The following FRMPD4 variants were observed in gnomAD, a reference collection of about 807,000 sequenced individuals.
FRMPD4 encodes FERM and PDZ domain containing 4, also known as FERM and PDZ domain-containing protein 4.
FRMPD4 carries 22 observed loss-of-function variants against 94.1 expected under a neutral mutation model. The ratio of observed to expected loss-of-function variants is 0.23; its 90% CI spans 0.17 to 0.33. The LOEUF is 0.33. Ranked by LOEUF, FRMPD4 falls within the 10% of genes least tolerant of loss-of-function variation. The pLI, the probability that FRMPD4 is intolerant of heterozygous loss-of-function variation, is 1.00. For synonymous variants in FRMPD4, 631 were observed against 548.6 expected (o/e 1.15, Z -2.10); for missense variants, 1,111 against 1,339.9 (o/e 0.83, Z 2.67).
chrX:12,433,125 A>T (rs2057027200), intron 1 of FRMPD4, among the ~76,000 whole-genome samples: 1 of 112,479 alleles, frequency 8.9e-6, no homozygotes, highest in Non-Finnish European at 1.9e-5. Context: ...TGAGCATTCT[A>T]TCTAAGCTTT....
At chrX:12,615,974 G>C (rs1012240229) in intron 4 of FRMPD4, among the ~76,000 whole-genome samples, 1 of 110,994 alleles carries the variant, frequency 9.0e-6, no homozygotes, top group African/African-American at 3.3e-5. Context: ...AGCACTCTTG[G>C]AAGAACTGGG....
chrX:12,450,779 TG>T, intron 1 of FRMPD4, among the ~76,000 whole-genome samples: 1 of 105,125 alleles, frequency 9.5e-6, no homozygotes, highest in East Asian at 3.0e-4. Flanking sequence ...GAATGTTTGA[TG>T]GGGACCTTCT....
Position 12,146,301 on chromosome X carries a change from T to A in FRMPD4, c.41+7289T>A, listed in dbSNP as rs6639151. Among the ~76,000 whole-genome samples the A allele has an allele frequency of 2.7e-5, 3 of 109,975 alleles. No homozygotes were observed. In the Admixed American group the frequency reaches 2.9e-4, roughly 11 times the overall value. On this transcript the variant is annotated intron_variant, in intron 1 of 16. Transcript: ENST00000675598. ...ATAGCTTGAATCTGGGAGGCGAAGC[T>A]TGCAGTGAGCTGAGATTGCGCCACT...
At chrX:12,397,549 ACTTT>A (rs899397703) in intron 1 of FRMPD4, among the ~76,000 whole-genome samples, 4 of 112,072 alleles carry the variant, frequency 3.6e-5, no homozygotes, top group African/African-American at 1.3e-4. Context: ...TGTGAAAAAC[ACTTT>A]GTCTCAGAAT....
At chrX:12,492,743 T>C (rs972370550) in intron 1 of FRMPD4, among the ~76,000 whole-genome samples, 13 of 111,914 alleles carry the variant, frequency 1.2e-4, no homozygotes, top group Non-Finnish European at 2.3e-4. Flanking sequence ...AGGCTATTAA[T>C]GTAGCTTTCC....
intron 1 of FRMPD4, among the ~76,000 whole-genome samples, chrX:12,456,404 G>A (rs893757690): frequency 1.8e-4 from 20 of 111,553 alleles, no homozygotes; most frequent in African/African-American, 5.5e-4. Context: ...TGGCCATGCC[G>A]GGAATATTTA....
chrX:12,124,943 A>C (rs7059627), intron 3 of FRMPD4, among the ~76,000 whole-genome samples: 3,671 of 111,891 alleles, frequency 0.033, 136 homozygotes, highest in African/African-American at 0.11. Context: ...CTGCTCATTT[A>C]ATGTCTTCTT....
intron 1 of FRMPD4, among the ~76,000 whole-genome samples, chrX:11,854,645 C>A (rs1165421704): frequency 8.9e-6 from 1 of 112,522 alleles, no homozygotes; most frequent in Non-Finnish European, 1.9e-5. Flanking sequence ...AGTCATTAAA[C>A]CTTAAAGTTC....
chrX:12,241,481 T>C (rs966179351), intron 1 of FRMPD4, among the ~76,000 whole-genome samples: 1 of 112,515 alleles, frequency 8.9e-6, no homozygotes, highest in Non-Finnish European at 1.9e-5. Context: ...AACTTTCATG[T>C]AGAGTTATTA....
In FRMPD4 at chrX:12,499,081, C is replaced by A. The variant is rs2057887946; in HGVS notation, c.158+285C>A. On this transcript the variant is annotated intron_variant, in intron 2 of 16. Coordinates refer to ENST00000675598, the MANE Select transcript of FRMPD4 (RefSeq NM_001368397.1). ...GTAGCATGGTAAGCCTGGCTCAGAG[C>A]AAAAGTTTCCACCGTTAAATATTAG... Among the ~76,000 whole-genome samples, 4 of 111,090 alleles carry A rather than the reference C, an allele frequency of 3.6e-5. No homozygotes were observed. The South Asian group carries it at 1.5e-3, about 42-fold the overall frequency.
intron 3 of FRMPD4, among the ~76,000 whole-genome samples, chrX:12,004,227 C>T (rs1369978654): frequency 8.9e-6 from 1 of 112,090 alleles, no homozygotes; most frequent in Non-Finnish European, 1.9e-5. Context: ...CTGCCTGAGG[C>T]CAAGGTCTGC....
At chrX:12,096,651 G>A (rs1370787305) in intron 3 of FRMPD4, among the ~76,000 whole-genome samples, 4 of 111,684 alleles carry the variant, frequency 3.6e-5, no homozygotes, top group African/African-American at 9.8e-5. Flanking sequence ...TTAGGAGGCT[G>A]GGGCAGTAGG....
At chrX:12,231,871 A>G (rs184259070) in intron 1 of FRMPD4, among the ~76,000 whole-genome samples, 75 of 111,869 alleles carry the variant, frequency 6.7e-4, no homozygotes, top group African/African-American at 2.3e-3. Flanking sequence ...ACTGGGGTGA[A>G]TGTCTTTATA....
chrX:12,056,786 T>C (rs1169205505), intron 3 of FRMPD4, among the ~76,000 whole-genome samples: 1 of 112,023 alleles, frequency 8.9e-6, no homozygotes. Flanking sequence ...ATATAACATT[T>C]CATGATACGA....
chrX:12,721,059 G>C lies in FRMPD4; in HGVS notation c.4490G>C (p.Arg1497Thr), dbSNP rs1297672280. 2.7e-6 allele frequency: 2 copies of C among 754,564 alleles called. No homozygotes were observed. The highest frequency in any genetic ancestry group is 3.1e-6 in the Non-Finnish European group (2 of 638,851). 62.2% of individuals were successfully genotyped at this position (754,564 alleles called of 1,213,427 possible). A position where few individuals can be genotyped will look rare whatever the true frequency, so the allele number is the denominator to read the frequency against. The change falls in exon 17 of 17, where the codon AGA becomes ACA. Residue 1497 changes from arginine (R) to threonine (T), a missense_variant. Physicochemically the swap from Arg to Thr is moderately conservative, Grantham distance 71. Around this residue, in one of 8 missense-constraint regions of FRMPD4, gnomAD observed 551 missense variants for 591.6 expected, o/e 0.93. Coordinates refer to ENST00000675598, the MANE Select transcript of FRMPD4 (RefSeq NM_001368397.1). ...CGGAAGCTGGAGGGCAGCAATTGGA[G>C]ATGCCGGGGACCCTTCAGCTATTGC... ...PLRKLEGSNW[R>T]CRGPFSYCFL... is the part of the protein sequence containing the mutation.
At chrX:12,482,482 C>T (rs1049201298) in intron 1 of FRMPD4, among the ~76,000 whole-genome samples, 3 of 111,065 alleles carry the variant, frequency 2.7e-5, no homozygotes, top group African/African-American at 9.8e-5. Flanking sequence ...GGATGTGATC[C>T]CTAGTTAAGT....
chrX:12,034,252 G>A (rs989379405), intron 3 of FRMPD4, among the ~76,000 whole-genome samples: 1 of 112,279 alleles, frequency 8.9e-6, no homozygotes, highest in Non-Finnish European at 1.9e-5. Flanking sequence ...ATTGGTCAGA[G>A]TGGGAAGACA....
At chrX:12,467,642 T>G (rs2057463230) in intron 1 of FRMPD4, among the ~76,000 whole-genome samples, 1 of 112,442 alleles carries the variant, frequency 8.9e-6, no homozygotes, top group African/African-American at 3.2e-5. Flanking sequence ...ATTTTACTTT[T>G]AAGAAATGGA....
At chrX:11,910,398 TA>T (rs1200170037) in intron 3 of FRMPD4, among the ~76,000 whole-genome samples, 2 of 112,195 alleles carry the variant, frequency 1.8e-5, no homozygotes, top group Non-Finnish European at 3.8e-5. Flanking sequence ...TAATTTATAG[TA>T]ATATAAGATT....
Sources: allele counts gnomAD v4.1 joint callset (sites outside exome capture counted in the v4.1 genomes callset), GRCh38; gene constraint gnomAD v4.1.1; regional missense constraint gnomAD v4.1.1; transcripts MANE v1.5; gene names NCBI Gene and HGNC (gene_info 2026-07-23, HGNC 2026-07-21).